Variants in TMEM132C observed in about 807,000 individuals in gnomAD.
TMEM132C encodes the protein transmembrane protein 132C.
Under a neutral mutation model 61.4 loss-of-function variants are expected in TMEM132C, and 29 were observed. That is an observed-to-expected ratio of 0.47 (90% CI 0.35 to 0.64). The LOEUF (loss-of-function observed/expected upper bound fraction) is 0.64. TMEM132C is among the 30% of genes least tolerant of loss of function. The pLI, the probability that TMEM132C is intolerant of heterozygous loss-of-function variation, is 0.00. For missense variants in TMEM132C, 1,408 were observed against 1,476.9 expected, an observed-to-expected ratio of 0.95 and a Z score of 0.76; for synonymous variants, 656 against 633.1, an observed-to-expected ratio of 1.04 and a Z score of -0.54.
rs570411402 is a variant in TMEM132C, at chr12:128,321,188, T to G, written c.85+53701T>G. On this transcript the variant is annotated intron_variant, in intron 1 of 8. Coordinates refer to ENST00000435159, the MANE Select transcript of TMEM132C (RefSeq NM_001136103.3). The stretch of plus-strand genomic sequence containing the variant: ...AATAATAATAATAATAATGCCAACA[T>G]TTCTTTTGCCCTTATGATGACACTG... Among the ~76,000 whole-genome samples the G allele has an allele frequency of 1.7e-4, 25 of 150,304 alleles. 1 individual carries two copies. The South Asian group carries it at 4.4e-3, about 27-fold the overall frequency.
intron 5 of TMEM132C, among the ~76,000 whole-genome samples, chr12:128,677,977 C>A (rs1954606884): frequency 6.6e-6 from 1 of 152,216 alleles, no homozygotes; most frequent in Admixed American, 6.5e-5. Context: ...TGAGCTTGGG[C>A]TCCCGTCAGC....
chr12:128,315,682 T>C (rs1178776501), intron 1 of TMEM132C, among the ~76,000 whole-genome samples: 1 of 152,030 alleles, frequency 6.6e-6, no homozygotes, highest in Admixed American at 6.5e-5. Flanking sequence ...TGTGACCTTA[T>C]TTGGAAACAG....
At chr12:128,668,683 T>C (rs1242699617) in intron 4 of TMEM132C, among the ~76,000 whole-genome samples, 1 of 152,084 alleles carries the variant, frequency 6.6e-6, no homozygotes, top group Non-Finnish European at 1.5e-5. Flanking sequence ...CTGAAGTGAG[T>C]CTTAAGGGGC....
intron 3 of TMEM132C, among the ~76,000 whole-genome samples, chr12:128,602,505 T>C (rs1413243078): frequency 6.6e-6 from 1 of 152,180 alleles, no homozygotes; most frequent in East Asian, 1.9e-4. Flanking sequence ...GTGGGGGAAA[T>C]GTTAGGTCTT....
Position 128,415,298 on chromosome 12 carries a change from A to G in TMEM132C, c.652A>G (p.Met218Val). Residue 218 changes from methionine (M) to valine (V), a missense_variant, in exon 2 of 9, where the codon ATG (methionine) becomes GTG (valine). Met to Val is a conservative substitution (Grantham distance 21, BLOSUM62 1). Transcript: ENST00000435159. The surrounding 1 kb of genome is among the most constrained non-coding windows in gnomAD (Gnocchi z 5.8). ...PTVGAGRKKS[M>V]DQPEGTPVEL... ...GGTGGGTGCCGGGAGGAAGAAGTCC[A>G]TGGACCAGCCGGAGGGGACCCCTGT... 1 of 1,596,758 alleles carries G rather than the reference A, an allele frequency of 6.3e-7. No homozygotes were observed. The highest frequency in any genetic ancestry group is 8.5e-7 in the Non-Finnish European group (1 of 1,171,328).
At chr12:128,288,300 C>A (rs1197837246) in intron 1 of TMEM132C, 1 of 152,218 alleles carries the variant, frequency 6.6e-6, no homozygotes, top group East Asian at 1.9e-4. Context: ...TCAGGTAATC[C>A]GCCTGCCTCG....
At chr12:128,276,711 T>A (rs1870702650) in intron 1 of TMEM132C, among the ~76,000 whole-genome samples, 1 of 152,226 alleles carries the variant, frequency 6.6e-6, no homozygotes, top group Non-Finnish European at 1.5e-5. Flanking sequence ...CTGTGTTTCC[T>A]CACTGTCTCT....
At chr12:128,604,265 G>T (rs1876317330) in intron 3 of TMEM132C, among the ~76,000 whole-genome samples, 2 of 152,208 alleles carry the variant, frequency 1.3e-5, no homozygotes, top group South Asian at 4.1e-4. Flanking sequence ...TAGATAGAAT[G>T]GATAGAGTGA....
chr12:128,281,035 G>A (rs1405265404), intron 1 of TMEM132C, among the ~76,000 whole-genome samples: 5 of 152,134 alleles, frequency 3.3e-5, no homozygotes, highest in African/African-American at 7.2e-5. Context: ...ATCAACACAG[G>A]TCACAGGAAC....
At chr12:128,281,179 G>A (rs1451397182) in intron 1 of TMEM132C, among the ~76,000 whole-genome samples, 1 of 152,152 alleles carries the variant, frequency 6.6e-6, no homozygotes, top group Admixed American at 6.5e-5. Context: ...TGAAACCAAG[G>A]ATAAGCAAAC....
chr12:128,483,286 A>G, intron 2 of TMEM132C, among the ~76,000 whole-genome samples: 2 of 90,348 alleles, frequency 2.2e-5, no homozygotes, highest in Non-Finnish European at 4.4e-5. Context: ...AAAGAGAGAG[A>G]GAAAGAAAGA....
At chr12:128,486,876 A>AACACACAC (rs56407388) in intron 2 of TMEM132C, among the ~76,000 whole-genome samples, 2,454 of 131,160 alleles carry the variant, frequency 0.019, 83 homozygotes, top group African/African-American at 0.064. Flanking sequence ...TGTGCATGCA[A>AACACACAC]ACACACACAC....
chr12:128,411,502 G>A (rs1205128207), intron 1 of TMEM132C, among the ~76,000 whole-genome samples: 5 of 152,090 alleles, frequency 3.3e-5, no homozygotes, highest in South Asian at 4.2e-4. Context: ...ATTATCTTCA[G>A]TGTGTTCAGT....
chr12:128,513,475 C>T lies in TMEM132C; in HGVS notation c.975-30482C>T, dbSNP rs555092276. 1.3e-3 allele frequency among the ~76,000 whole-genome samples: 194 copies of T among 152,272 alleles called. 1 individual carries two copies. Among genetic ancestry groups the T allele is most frequent in the African/African-American group, 4.3e-3 (179 of 41,568 alleles). On this transcript the variant is annotated intron_variant, in intron 2 of 8. Coordinates refer to ENST00000435159, the MANE Select transcript of TMEM132C (RefSeq NM_001136103.3). ...GGAGAAAGGAATAATCCACAGTGGACGCTTTCTGCAGGGACACTTCTTGCC... is the reference window on the plus strand; with the variant it reads ...GGAGAAAGGAATAATCCACAGTGGATGCTTTCTGCAGGGACACTTCTTGCC...
At chr12:128,315,074 G>A (rs1872106856) in intron 1 of TMEM132C, among the ~76,000 whole-genome samples, 1 of 152,182 alleles carries the variant, frequency 6.6e-6, no homozygotes, top group African/African-American at 2.4e-5. Flanking sequence ...AGTCTATTTT[G>A]AATAGGATGG....
At chr12:128,487,746 T>C (rs138900931) in intron 2 of TMEM132C, among the ~76,000 whole-genome samples, 1 of 152,138 alleles carries the variant, frequency 6.6e-6, no homozygotes, top group African/African-American at 2.4e-5. Flanking sequence ...CAGTCACCCT[T>C]GGAATCTCCC....
At chr12:128,397,637 C>T (rs1227227372) in intron 1 of TMEM132C, among the ~76,000 whole-genome samples, 1 of 152,138 alleles carries the variant, frequency 6.6e-6, no homozygotes, top group Non-Finnish European at 1.5e-5. Flanking sequence ...TGGGACATTG[C>T]CTCCTCCAAG....
chr12:128,409,351 T>G (rs373454394), intron 1 of TMEM132C, among the ~76,000 whole-genome samples: 18 of 152,132 alleles, frequency 1.2e-4, no homozygotes, highest in Admixed American at 9.2e-4. Context: ...TTCAGCAACT[T>G]AGCCAGCTGA....
chr12:128,342,502 A>G (rs1428256218), intron 1 of TMEM132C, among the ~76,000 whole-genome samples: 1 of 152,230 alleles, frequency 6.6e-6, no homozygotes, highest in African/African-American at 2.4e-5. Flanking sequence ...GAGCTGAGAC[A>G]TAGCCCCCAG....
Sources: allele counts gnomAD v4.1 joint callset (sites outside exome capture counted in the v4.1 genomes callset), GRCh38; gene constraint gnomAD v4.1.1; non-coding constraint Gnocchi (gnomAD v3.1); transcripts MANE v1.5; gene names NCBI Gene and HGNC (gene_info 2026-07-23, HGNC 2026-07-21).